The following STAT4 variants were observed in gnomAD, a reference collection of about 807,000 sequenced individuals.
STAT4 encodes the protein signal transducer and activator of transcription 4.
A neutral mutation model predicts 110.5 loss-of-function variants in STAT4; 42 were observed. The ratio of observed to expected loss-of-function variants is 0.38; its 90% CI spans 0.30 to 0.49. The LOEUF is 0.49. Among genes scored for constraint, STAT4 ranks in the 20% least tolerant of loss-of-function variants. The pLI is 0.95. For synonymous variants in STAT4, 284 were observed against 302.2 expected (o/e 0.94, Z 0.63); for missense variants, 632 against 887.9 (o/e 0.71, Z 3.66).
At position 191,104,695 on chromosome 2, in the gene STAT4, T is replaced by C. The variant is rs1329097799; in HGVS notation, c.274-28370A>G. On this transcript the variant is annotated intron_variant, in intron 3 of 23. Transcript: ENST00000392320. The surrounding 1 kb of genome is among the most constrained non-coding windows in gnomAD (Gnocchi z 4.3). ...CCTCCCCATATGATTTGAAAGGATA[T>C]ATATTGTCAAAGAATAAAGAATGAT... is the stretch of plus-strand genomic sequence containing the variant. Among the ~76,000 whole-genome samples, 1 of 152,190 alleles carries C rather than the reference T, an allele frequency of 6.6e-6. No homozygotes were observed. Among genetic ancestry groups the C allele is most frequent in the Non-Finnish European group, 1.5e-5 (1 of 68,026 alleles).
At chr2:191,094,232 C>G (rs1000553483) in intron 3 of STAT4, among the ~76,000 whole-genome samples, 2 of 152,146 alleles carry the variant, frequency 1.3e-5, no homozygotes, top group Non-Finnish European at 2.9e-5. Flanking sequence ...TCAGGAAATA[C>G]AGAGAACGCC....
intron 1 of STAT4, among the ~76,000 whole-genome samples, chr2:191,149,902 T>C (rs1026552980): frequency 2.0e-5 from 3 of 152,102 alleles, no homozygotes; most frequent in Non-Finnish European, 2.9e-5. Context: ...AACTTACAGG[T>C]AGATGGGAGG....
rs1222479726 is a variant in STAT4 at position 191,039,056 on chromosome 2, A to G, written c.1434+143T>C. 5.8e-6 allele frequency: 4 copies of G among 690,950 alleles called. No homozygotes were observed. Among genetic ancestry groups the G allele is most frequent in the Non-Finnish European group, 1.0e-5 (4 of 387,244 alleles). 42.8% of individuals were successfully genotyped at this position (690,950 alleles called of 1,614,324 possible). On this transcript the variant is annotated intron_variant, in intron 16 of 23. Coordinates refer to ENST00000392320, the MANE Select transcript of STAT4 (RefSeq NM_003151.4). This position sits in a 1 kb window ranked among gnomAD's most constrained non-coding sequence, Gnocchi z 4.7. ...ACTACTTTAAATATGACATGAGAGGAAACATACAACTAGAAATACTACAAA... is the reference window on the plus strand; with the variant it reads ...ACTACTTTAAATATGACATGAGAGGGAACATACAACTAGAAATACTACAAA...
chr2:191,101,233 C>T (rs1028525592), intron 3 of STAT4, among the ~76,000 whole-genome samples: 1 of 152,134 alleles, frequency 6.6e-6, no homozygotes, highest in African/African-American at 2.4e-5. Context: ...CCCACAATCA[C>T]AAGATCTGGA....
Position 191,082,074 on chromosome 2 carries a change from G to T in STAT4, c.274-5749C>A, listed in dbSNP as rs2125285603. Among the ~76,000 whole-genome samples the T allele has an allele frequency of 6.6e-6, 1 of 152,242 alleles. No homozygotes were observed. Among genetic ancestry groups the T allele is most frequent in the Non-Finnish European group, 1.5e-5 (1 of 68,024 alleles). On this transcript the variant is annotated intron_variant, in intron 3 of 23. Transcript: ENST00000392320. This position sits in a 1 kb window ranked among gnomAD's most constrained non-coding sequence, Gnocchi z 4.7. ...TGAGATTTCTTTCATCTATTATGAG[G>T]AATTTGGCAATTTCTCTTGCCACTG...
At chr2:191,054,737 T>C (rs1009312601) in intron 13 of STAT4, among the ~76,000 whole-genome samples, 1 of 152,214 alleles carries the variant, frequency 6.6e-6, no homozygotes, top group African/African-American at 2.4e-5. Flanking sequence ...GATGCCACTT[T>C]AGAAACTTGG....
rs369718434 is a variant in STAT4 at position 191,042,908 on chromosome 2, T to C, written c.1252-1760A>G. Among the ~76,000 whole-genome samples, 4 of 152,076 alleles carry C rather than the reference T, an allele frequency of 2.6e-5. No individual in the cohort carries two copies. Among genetic ancestry groups the C allele is most frequent in the Admixed American group, 6.6e-5 (1 of 15,242 alleles). ...GATTCTCCTGCCTCAGCCTTCTGAGTAGCTGGGATTACAGGCATGCGCCAC... is the reference window on the plus strand; with the variant it reads ...GATTCTCCTGCCTCAGCCTTCTGAGCAGCTGGGATTACAGGCATGCGCCAC... On this transcript the variant is annotated intron_variant, in intron 14 of 23. Transcript: ENST00000392320. This position sits in a 1 kb window ranked among gnomAD's most constrained non-coding sequence, Gnocchi z 4.2.
chr2:191,102,185 A>G (rs1698164852), intron 3 of STAT4, among the ~76,000 whole-genome samples: 1 of 152,118 alleles, frequency 6.6e-6, no homozygotes, highest in African/African-American at 2.4e-5. Context: ...TAACTCCCAC[A>G]TGCTTACCGT....
chr2:191,087,800 T>C (rs1013451608), intron 3 of STAT4, among the ~76,000 whole-genome samples: 2 of 152,120 alleles, frequency 1.3e-5, no homozygotes, highest in Non-Finnish European at 2.9e-5. Context: ...TAAAGCTGAT[T>C]AAAATAGAAT....
chr2:191,029,577 C>G lies in STAT4; in HGVS notation c.*263G>C. 1 of 456,320 alleles carries G rather than the reference C, an allele frequency of 2.2e-6. No individual in the cohort carries two copies. Among genetic ancestry groups the G allele is most frequent in the Non-Finnish European group, 3.8e-6 (1 of 260,682 alleles). The allele number at this position is 456,320 out of a possible 1,614,324, so 28.3% of individuals were successfully genotyped here. ...ATAAACCAAACACAGGCAAGCGAGT[C>G]TTCTGTTAATATTGTTATTAACACT... On this transcript the variant is annotated 3_prime_UTR_variant, in exon 24 of 24. Transcript: ENST00000392320. This position sits in a 1 kb window ranked among gnomAD's most constrained non-coding sequence, Gnocchi z 4.5.
Position 191,077,171 on chromosome 2 carries a change from T to C in STAT4, c.274-846A>G, listed in dbSNP as rs1697338907. Among the ~76,000 whole-genome samples the C allele has an allele frequency of 6.6e-6, 1 of 152,228 alleles. No individual in the cohort carries two copies. Among genetic ancestry groups the C allele is most frequent in the Admixed American group, 6.5e-5 (1 of 15,284 alleles). ...ACCAAGGTTAATGATGCAGATACTG[T>C]AAATTGGCAGCCTGTGGGCCTAATT... On this transcript the variant is annotated intron_variant, in intron 3 of 23. Coordinates refer to ENST00000392320, the MANE Select transcript of STAT4 (RefSeq NM_003151.4). The surrounding 1 kb of genome is among the most constrained non-coding windows in gnomAD (Gnocchi z 4.1).
At position 191,090,420 on chromosome 2, in the gene STAT4, T is replaced by C. The variant is rs1697758052; in HGVS notation, c.274-14095A>G. Among the ~76,000 whole-genome samples, 1 of 152,056 alleles carries C rather than the reference T, an allele frequency of 6.6e-6. No homozygotes were observed. The highest frequency in any genetic ancestry group is 6.6e-5 in the Admixed American group (1 of 15,252). On this transcript the variant is annotated intron_variant, in intron 3 of 23. Coordinates refer to ENST00000392320, the MANE Select transcript of STAT4 (RefSeq NM_003151.4). This position sits in a 1 kb window ranked among gnomAD's most constrained non-coding sequence, Gnocchi z 4.2. ...TTCTTGATAAAAGAAAGGTACAGTA[T>C]AGGCTGTTGATGGATCTAAATTAAC...
At position 191,050,170 on chromosome 2, in the gene STAT4, G is replaced by C. The variant is rs574736458; in HGVS notation, c.1251+4320C>G. 2.2e-4 allele frequency among the ~76,000 whole-genome samples: 33 copies of C among 152,284 alleles called. 1 individual carries two copies. In the South Asian group the frequency reaches 6.0e-3, roughly 28 times the overall value. On this transcript the variant is annotated intron_variant, in intron 14 of 23. Coordinates refer to ENST00000392320, the MANE Select transcript of STAT4 (RefSeq NM_003151.4). This position sits in a 1 kb window ranked among gnomAD's most constrained non-coding sequence, Gnocchi z 4.3. ...AAGCCCACTGACAAAGAGCAAACTG[G>C]AGAAACTGCAATTCCAGCTTCTCTA...
intron 14 of STAT4, among the ~76,000 whole-genome samples, chr2:191,054,046 T>C (rs1050937948): frequency 6.6e-6 from 1 of 150,474 alleles, no homozygotes; most frequent in Admixed American, 6.7e-5. Flanking sequence ...GAGGTTCACT[T>C]GAGCCTGGGA....
At chr2:191,084,260 TA>T (rs71030321) in intron 3 of STAT4, among the ~76,000 whole-genome samples, 441 of 141,674 alleles carry the variant, frequency 3.1e-3, no homozygotes, top group African/African-American at 3.5e-3. Context: ...AGACTCCGTC[TA>T]AAAAAAAAAA....
In STAT4 at chr2:191,077,680, T is replaced by G. The variant is rs865865169; in HGVS notation, c.274-1355A>C. ...TTGACTTTGACTTTGCTGCCACAATTTTATTAAATGATGTCTGTTAATTAC... is the reference window on the plus strand; with the variant it reads ...TTGACTTTGACTTTGCTGCCACAATGTTATTAAATGATGTCTGTTAATTAC... On this transcript the variant is annotated intron_variant, in intron 3 of 23. Transcript: ENST00000392320. The surrounding 1 kb of genome is among the most constrained non-coding windows in gnomAD (Gnocchi z 4.1). Among the ~76,000 whole-genome samples the G allele has an allele frequency of 2.6e-5, 4 of 152,206 alleles. No individual in the cohort carries two copies. Among genetic ancestry groups the G allele is most frequent in the Admixed American group, 6.5e-5 (1 of 15,274 alleles).
In STAT4 at chr2:191,107,600, T is replaced by C. The variant is rs896717739; in HGVS notation, c.274-31275A>G. Among the ~76,000 whole-genome samples the C allele has an allele frequency of 5.3e-5, 8 of 152,252 alleles. No individual in the cohort carries two copies. The highest frequency in any genetic ancestry group is 1.2e-4 in the Non-Finnish European group (8 of 68,046). On this transcript the variant is annotated intron_variant, in intron 3 of 23. Coordinates refer to ENST00000392320, the MANE Select transcript of STAT4 (RefSeq NM_003151.4). This position sits in a 1 kb window ranked among gnomAD's most constrained non-coding sequence, Gnocchi z 4.2. Reference sequence around the variant, plus strand: ...CCCAGGTATCTGATCTGCAGACCCATGTACAGTTAAACATTATGCTATTAC... The same window carrying C: ...CCCAGGTATCTGATCTGCAGACCCACGTACAGTTAAACATTATGCTATTAC...
At chr2:191,121,555 A>C (rs1415571100) in intron 3 of STAT4, among the ~76,000 whole-genome samples, 1 of 152,152 alleles carries the variant, frequency 6.6e-6, no homozygotes, top group Admixed American at 6.5e-5. Flanking sequence ...GGATTAAGAA[A>C]ATGTGGCACA....
At chr2:191,108,016 T>A (rs1574162022) in intron 3 of STAT4, among the ~76,000 whole-genome samples, 2 of 151,612 alleles carry the variant, frequency 1.3e-5, no homozygotes, top group East Asian at 3.9e-4. Flanking sequence ...GTTGGCCGGG[T>A]GCGGGGGCTC....
Sources: gnomAD v4.1 joint callset for allele counts (sites outside exome capture counted in the v4.1 genomes callset) on GRCh38, gnomAD v4.1.1 for gene constraint, Gnocchi (gnomAD v3.1) non-coding constraint, MANE v1.5 for transcripts, NCBI Gene and HGNC (gene_info 2026-07-23, HGNC 2026-07-21) for gene names.